SLC30A9: variants seen among roughly 807,000 people sequenced by gnomAD.
SLC30A9 encodes solute carrier family 30 member 9.
Under a neutral mutation model 87.5 loss-of-function variants are expected in SLC30A9, and 58 were observed. The ratio of observed to expected loss-of-function variants is 0.66; its 90% CI spans 0.54 to 0.82. SLC30A9 has a LOEUF of 0.82. Ranked by LOEUF, SLC30A9 falls within the 40% of genes least tolerant of loss-of-function variation. The pLI, the probability that SLC30A9 is intolerant of heterozygous loss-of-function variation, is 0.00. For synonymous variants in SLC30A9, 234 were observed against 233.0 expected (o/e 1.00, Z -0.04); for missense variants, 557 against 679.1 (o/e 0.82, Z 2.00).
chr4:42,011,429 C>G (rs554339920), intron 2 of SLC30A9, among the ~76,000 whole-genome samples: 1 of 152,188 alleles, frequency 6.6e-6, no homozygotes, highest in South Asian at 2.1e-4. Flanking sequence ...CCATATCAAC[C>G]AGGAACTGAA....
intron 3 of SLC30A9, chr4:42,018,374 A>C (rs772397841): frequency 1.6e-6 from 2 of 1,232,290 alleles, no homozygotes; most frequent in Admixed American, 2.4e-5. Context: ...TTTTTGTCAC[A>C]AATTTTTTCA....
chr4:42,070,768 T>A, intron 15 of SLC30A9, 77 bp downstream of exon 15: 1 of 1,246,668 alleles, frequency 8.0e-7, no homozygotes, highest in Non-Finnish European at 1.1e-6. Flanking sequence ...TTGTAAATAC[T>A]TCCAGAGGAA....
intron 2 of SLC30A9, among the ~76,000 whole-genome samples, chr4:42,007,318 G>T (rs1255028474): frequency 6.6e-6 from 1 of 152,152 alleles, no homozygotes; most frequent in Non-Finnish European, 1.5e-5. Flanking sequence ...ACCAGAGCTG[G>T]AGTATATTTT....
Position 42,070,652 on chromosome 4 carries a change from A to G in SLC30A9, c.1379A>G (p.Gln460Arg). 1.9e-6 allele frequency: 3 copies of G among 1,614,034 alleles called. No individual in the cohort carries two copies. Among genetic ancestry groups the G allele is most frequent in the Non-Finnish European group, 2.5e-6 (3 of 1,179,904 alleles). Residue 460 changes from glutamine to arginine, a missense_variant, in exon 15 of 18, where the codon CAA becomes CGA. Physicochemically the swap from Gln to Arg is conservative, Grantham distance 43 (BLOSUM62 1). Transcript: ENST00000264451. ...LGRSIQPEQVQRLTELLENDP... is the reference protein window; with the variant it reads ...LGRSIQPEQVRRLTELLENDP... Reference sequence around the variant, plus strand: ...CGGTCCATCCAGCCAGAACAAGTACAACGGCTCACTGAACTCCTGGAGAAT... The same window carrying G: ...CGGTCCATCCAGCCAGAACAAGTACGACGGCTCACTGAACTCCTGGAGAAT...
chr4:42,055,984 T>C (rs1717594067), intron 9 of SLC30A9, among the ~76,000 whole-genome samples: 1 of 152,202 alleles, frequency 6.6e-6, no homozygotes, highest in Admixed American at 6.5e-5. Context: ...AGATTTATGT[T>C]GTAAATGTGT....
At chr4:41,991,279 C>G (rs1388731998) in intron 1 of SLC30A9, among the ~76,000 whole-genome samples, 2 of 152,204 alleles carry the variant, frequency 1.3e-5, no homozygotes, top group East Asian at 3.8e-4. Flanking sequence ...AAGTATCCGA[C>G]AATCATTGAA....
chr4:42,040,669 G>A (rs4263431), intron 8 of SLC30A9, among the ~76,000 whole-genome samples: 98,932 of 151,554 alleles, frequency 0.65, 36,766 homozygotes, highest in East Asian at 0.96. Flanking sequence ...AGTGGTGGGC[G>A]CCTGTAGTCC....
Position 42,089,018 on chromosome 4 carries a change from T to A in SLC30A9, c.*2892T>A, listed in dbSNP as rs1405172282. On this transcript the variant is annotated 3_prime_UTR_variant, in exon 18 of 18. Transcript: ENST00000264451. The stretch of plus-strand genomic sequence containing the variant: ...GTTTCTTGTTATTTTACCAAATTAA[T>A]GTTTCTTACTTTGTATCTACTTTGG... 1.3e-5 allele frequency: 1 copy of A among 78,228 alleles called. No homozygotes were observed. Among genetic ancestry groups the A allele is most frequent in the African/African-American group, 2.7e-5 (1 of 36,890 alleles). 4.8% of individuals were successfully genotyped at this position (78,228 alleles called of 1,614,324 possible).
chr4:42,048,868 T>C (rs1223456681), intron 8 of SLC30A9, among the ~76,000 whole-genome samples: 1 of 152,222 alleles, frequency 6.6e-6, no homozygotes, highest in Non-Finnish European at 1.5e-5. Flanking sequence ...CTCTTAACAG[T>C]ACATAATCTA....
intron 11 of SLC30A9, among the ~76,000 whole-genome samples, chr4:42,063,771 T>A (rs139051842): frequency 4.6e-5 from 7 of 152,302 alleles, no homozygotes; most frequent in African/African-American, 1.7e-4. Flanking sequence ...TCATGGGCAC[T>A]TCTTGGAGAT....
chr4:42,070,813 T>C, intron 15 of SLC30A9, 122 bp downstream of exon 15: 1 of 670,570 alleles, frequency 1.5e-6, no homozygotes, highest in Non-Finnish European at 2.3e-6. Flanking sequence ...CGTTTTAGTC[T>C]GTAACTTTTC....
intron 17 of SLC30A9, among the ~76,000 whole-genome samples, chr4:42,085,144 T>C (rs1295054890): frequency 6.6e-6 from 1 of 152,202 alleles, no homozygotes; most frequent in East Asian, 1.9e-4. Flanking sequence ...CTGTCTGACT[T>C]TGCTGATGTT....
chr4:42,012,082 A>T (rs534697987), intron 2 of SLC30A9, among the ~76,000 whole-genome samples: 1 of 152,326 alleles, frequency 6.6e-6, no homozygotes, highest in South Asian at 2.1e-4. Context: ...AGAATTTGAG[A>T]AAAACAGGAC....
Position 42,060,578 on chromosome 4 carries a change from T to A in SLC30A9, c.896+332T>A, listed in dbSNP as rs114265944. Reference sequence around the variant, plus strand: ...AACATATATTCTAGATTTAGACTCATAGGCTGCCCAATCTAAAATTTTGAT... The same window carrying A: ...AACATATATTCTAGATTTAGACTCAAAGGCTGCCCAATCTAAAATTTTGAT... On this transcript the variant is annotated intron_variant, in intron 10 of 17. Coordinates refer to ENST00000264451, the MANE Select transcript of SLC30A9 (RefSeq NM_006345.4). 7.0e-3 allele frequency among the ~76,000 whole-genome samples: 1,068 copies of A among 152,312 alleles called. 7 individuals carry two copies. The highest frequency in any genetic ancestry group is 0.037 in the Middle Eastern group (11 of 294).
chr4:42,088,143 C>T lies in SLC30A9; in HGVS notation c.*2017C>T, dbSNP rs1373248405. ...ATTCTGTTTTGCACTGATAAACTTA[C>T]ATAAAGTTTGTTTATGTAAAATAAG... is the stretch of plus-strand genomic sequence containing the variant. On this transcript the variant is annotated 3_prime_UTR_variant, in exon 18 of 18. Transcript: ENST00000264451. The T allele has an allele frequency of 2.6e-5, 4 of 152,134 alleles. No individual in the cohort carries two copies. The highest frequency in any genetic ancestry group is 4.2e-4 in the South Asian group (2 of 4,818). The allele number at this position is 152,134 out of a possible 1,614,324, so 9.4% of individuals were successfully genotyped here.
intron 8 of SLC30A9, among the ~76,000 whole-genome samples, chr4:42,040,187 G>C (rs1473782327): frequency 1.3e-5 from 2 of 152,178 alleles, no homozygotes; most frequent in Non-Finnish European, 1.5e-5. Flanking sequence ...CAGAGAAAAT[G>C]ATGAGTTCAT....
chr4:42,085,330 A>ATCAGGCCTGGAG (rs1307575627), intron 17 of SLC30A9, among the ~76,000 whole-genome samples: 1 of 152,200 alleles, frequency 6.6e-6, no homozygotes, highest in Non-Finnish European at 1.5e-5. Flanking sequence ...GGGATCTGGA[A>ATCAGGCCTGGAG]TCAGGCCTGG....
intron 11 of SLC30A9, 146 bp downstream of exon 11, chr4:42,063,267 T>G: frequency 1.8e-6 from 1 of 560,102 alleles, no homozygotes; most frequent in East Asian, 3.1e-5. Flanking sequence ...TATAGTTTAA[T>G]TTTTAGAACG....
chr4:42,002,307 C>T (rs1715018507), intron 2 of SLC30A9, among the ~76,000 whole-genome samples: 1 of 151,752 alleles, frequency 6.6e-6, no homozygotes, highest in South Asian at 2.1e-4. Flanking sequence ...CAGGAGGGTA[C>T]ATGTGAGGGT....
Sources: gnomAD v4.1 joint callset for allele counts (sites outside exome capture counted in the v4.1 genomes callset) on GRCh38, gnomAD v4.1.1 for gene constraint, MANE v1.5 for transcripts, NCBI Gene and HGNC (gene_info 2026-07-23, HGNC 2026-07-21) for gene names.